Variants in DMD observed in about 807,000 individuals in gnomAD.
DMD encodes mutant dystrophin.
A neutral mutation model predicts 330.1 loss-of-function variants in DMD; 63 were observed. That is an observed-to-expected ratio of 0.19 (90% CI 0.16 to 0.24). The LOEUF (loss-of-function observed/expected upper bound fraction) is 0.24, where lower values mean the gene tolerates loss of function less well. DMD is among the 10% of genes least tolerant of loss of function. The pLI, the probability that DMD is intolerant of heterozygous loss-of-function variation, is 1.00. For missense variants in DMD, 3,344 were observed against 2,684.1 expected, an observed-to-expected ratio of 1.25 and a Z score of -5.43; for synonymous variants, 1,223 against 959.8, an observed-to-expected ratio of 1.27 and a Z score of -5.07.
chrX:32,538,053 A>G (rs753364056), intron 17 of DMD, among the ~76,000 whole-genome samples: 2 of 112,343 alleles, frequency 1.8e-5, no homozygotes, highest in African/African-American at 6.5e-5. Context: ...CTTTAATTCT[A>G]GTGGATGAAA....
At chrX:32,016,072 T>C (rs1364359676) in intron 44 of DMD, among the ~76,000 whole-genome samples, 1 of 111,649 alleles carries the variant, frequency 9.0e-6, no homozygotes, top group Non-Finnish European at 1.9e-5. Context: ...ATGGAAGATA[T>C]GTTGTGATTT....
chrX:33,145,137 C>G (rs1306576067), intron 1 of DMD, among the ~76,000 whole-genome samples: 2 of 112,238 alleles, frequency 1.8e-5, no homozygotes, highest in African/African-American at 6.5e-5. Context: ...CAATAATCCT[C>G]CATGTTAGTT....
chrX:32,539,665 C>T (rs942947521), intron 17 of DMD, among the ~76,000 whole-genome samples: 16 of 111,905 alleles, frequency 1.4e-4, no homozygotes, highest in African/African-American at 4.2e-4. Flanking sequence ...GCATGAGTCT[C>T]ACAAAACTGC....
chrX:32,404,649 A>G (rs1021733991), intron 30 of DMD, among the ~76,000 whole-genome samples: 25 of 111,679 alleles, frequency 2.2e-4, no homozygotes, highest in Non-Finnish European at 4.5e-4. Context: ...TTGTTCTTAC[A>G]TATCAAAGAT....
intron 60 of DMD, among the ~76,000 whole-genome samples, chrX:31,383,938 C>T (rs1163882032): frequency 2.7e-5 from 3 of 111,988 alleles, no homozygotes; most frequent in Non-Finnish European, 5.6e-5. Flanking sequence ...CTCATTCCTC[C>T]TGGAAAATGG....
chrX:31,236,556 A>G (rs1228270734), intron 63 of DMD, among the ~76,000 whole-genome samples: 1 of 112,420 alleles, frequency 8.9e-6, no homozygotes, highest in African/African-American at 3.2e-5. Flanking sequence ...ATTTTATAAC[A>G]GAGGGCTTAT....
chrX:32,192,492 G>A (rs2096980468), intron 44 of DMD, among the ~76,000 whole-genome samples: 1 of 111,883 alleles, frequency 8.9e-6, no homozygotes, highest in African/African-American at 3.2e-5. Context: ...AATTGCTGCA[G>A]CCAGAAATTT....
At chrX:32,490,837 C>T (rs1243547433) in intron 20 of DMD, among the ~76,000 whole-genome samples, 2 of 112,013 alleles carry the variant, frequency 1.8e-5, no homozygotes, top group African/African-American at 6.5e-5. Context: ...AGAGGTCCAT[C>T]AGTTTTAAAT....
intron 9 of DMD, among the ~76,000 whole-genome samples, chrX:32,686,436 G>A (rs1303182902): frequency 9.2e-6 from 1 of 108,604 alleles, no homozygotes; most frequent in Non-Finnish European, 1.9e-5. Context: ...GCAGGCACCT[G>A]TAATACCAGC....
chrX:32,643,453 T>A (rs1205044373), intron 11 of DMD, among the ~76,000 whole-genome samples: 1 of 111,106 alleles, frequency 9.0e-6, no homozygotes, highest in Admixed American at 9.6e-5. Context: ...TCATTTCTTT[T>A]CATTTAAAAA....
At chrX:31,459,946 C>A (rs1051280478) in intron 59 of DMD, among the ~76,000 whole-genome samples, 3 of 112,008 alleles carry the variant, frequency 2.7e-5, no homozygotes, top group African/African-American at 9.7e-5. Context: ...GAACATTAAT[C>A]AAATTGCTTC....
rs2093770567 is a variant in DMD at position 31,864,770 on chromosome X, C to T, written c.7098+10418G>A. ...CCTCCCAAAGTCCTAGGGTTACAGA[C>T]GTGAGCTACCATGCCTGGCTGAAAG... On this transcript the variant is annotated intron_variant, in intron 48 of 78. Transcript: ENST00000357033. Among the ~76,000 whole-genome samples, 6 of 111,699 alleles carry T rather than the reference C, an allele frequency of 5.4e-5. No individual in the cohort carries two copies. In the South Asian group the frequency reaches 2.2e-3, roughly 42 times the overall value.
intron 2 of DMD, among the ~76,000 whole-genome samples, chrX:32,982,345 A>G (rs1328993108): frequency 8.9e-6 from 1 of 111,808 alleles, no homozygotes; most frequent in East Asian, 2.8e-4. Flanking sequence ...GTAGGAATTC[A>G]ACTAGTTCTG....
chrX:31,771,169 CCTT>C (rs775388097), intron 51 of DMD, among the ~76,000 whole-genome samples: 45 of 110,654 alleles, frequency 4.1e-4, no homozygotes, highest in African/African-American at 1.5e-3. Context: ...ACTTACTTAT[CCTT>C]CTTATTTCCC....
chrX:32,383,527 C>A (rs1378728114), intron 33 of DMD, among the ~76,000 whole-genome samples: 1 of 111,173 alleles, frequency 9.0e-6, no homozygotes, highest in Non-Finnish European at 1.9e-5. Flanking sequence ...ATAGGACTTA[C>A]AGCATTTTTA....
chrX:32,252,775 T>A (rs1178995904), intron 43 of DMD, among the ~76,000 whole-genome samples: 3 of 38,039 alleles, frequency 7.9e-5, no homozygotes, highest in African/African-American at 4.2e-4. Context: ...TATATATAAA[T>A]ATATATAAAT....
At chrX:32,589,197 C>CAT (rs1420059792) in intron 13 of DMD, among the ~76,000 whole-genome samples, 3 of 111,862 alleles carry the variant, frequency 2.7e-5, no homozygotes, top group East Asian at 5.6e-4. Flanking sequence ...GCCCACTCTA[C>CAT]AAATATTCTT....
chrX:31,552,123 G>A (rs917422564), intron 55 of DMD, among the ~76,000 whole-genome samples: 4 of 111,826 alleles, frequency 3.6e-5, no homozygotes, highest in African/African-American at 9.8e-5. Flanking sequence ...GAACAATTGC[G>A]CAAATGCTCT....
intron 16 of DMD, among the ~76,000 whole-genome samples, chrX:32,565,366 T>C (rs2051570035): frequency 8.9e-6 from 1 of 111,895 alleles, no homozygotes; most frequent in Admixed American, 9.5e-5. Flanking sequence ...AGTTGGCTAA[T>C]GTTCCTCGTG....
Sources: allele counts gnomAD v4.1 joint callset (sites outside exome capture counted in the v4.1 genomes callset), GRCh38; gene constraint gnomAD v4.1.1; transcripts MANE v1.5; gene names NCBI Gene and HGNC (gene_info 2026-07-23, HGNC 2026-07-21).